SPRTN: variants seen among roughly 807,000 people sequenced by gnomAD.
The protein encoded by SPRTN is SprT-like N-terminal domain.
Under a neutral mutation model 31.9 loss-of-function variants are expected in SPRTN, and 11 were observed. The observed-to-expected ratio is 0.34, with a 90% CI of 0.22 to 0.57. The LOEUF is 0.57. Ranked by LOEUF, SPRTN falls within the 20% of genes least tolerant of loss-of-function variation. SPRTN has a pLI of 0.86. For synonymous variants in SPRTN, 185 were observed against 212.1 expected (o/e 0.87, Z 1.11); for missense variants, 482 against 590.1 (o/e 0.82, Z 1.90).
At position 231,353,412 on chromosome 1, in the gene SPRTN, A is replaced by G. The variant is rs745867595; in HGVS notation, c.*51A>G. The G allele has an allele frequency of 9.9e-6, 15 of 1,511,540 alleles. No individual in the cohort carries two copies. The highest frequency in any genetic ancestry group is 4.6e-5 in the Admixed American group (2 of 43,072). 93.6% of individuals were successfully genotyped at this position (1,511,540 alleles called of 1,614,324 possible). ...ACCTGTATTATCTCACTAATGTGCT[A>G]TGTCAGCCAGTCAGGAAGTTCTGGT... On this transcript the variant is annotated 3_prime_UTR_variant, in exon 5 of 5. Coordinates refer to ENST00000295050, the MANE Select transcript of SPRTN (RefSeq NM_032018.7).
intron 2 of SPRTN, among the ~76,000 whole-genome samples, chr1:231,342,566 G>T (rs188720289): frequency 2.6e-5 from 4 of 151,704 alleles, no homozygotes; most frequent in African/African-American, 9.7e-5. Flanking sequence ...AAGTAGCTGC[G>T]ATTAAAGGTG....
At chr1:231,340,466 T>C (rs563262178) in intron 2 of SPRTN, among the ~76,000 whole-genome samples, 1 of 152,310 alleles carries the variant, frequency 6.6e-6, no homozygotes, top group South Asian at 2.1e-4. Flanking sequence ...AGTAAAGAAA[T>C]TAAGGTTCAG....
Position 231,351,554 on chromosome 1 carries a change from T to C in SPRTN, c.701T>C (p.Leu234Ser). The change falls in exon 4 of 5, where the codon TTG (leucine) becomes TCG (serine). Residue 234 changes from leucine (L) to serine (S), a missense_variant. Coordinates refer to ENST00000295050, the MANE Select transcript of SPRTN (RefSeq NM_032018.7). ...GKAKLGKEPV[L>S]AAENKDKPNR... Reference sequence around the variant, plus strand: ...GCAAAACTAGGAAAGGAACCAGTATTGGCCGCAGAGAATAAAGGTACCTTC... The same window carrying C: ...GCAAAACTAGGAAAGGAACCAGTATCGGCCGCAGAGAATAAAGGTACCTTC... 1 of 1,614,040 alleles carries C rather than the reference T, an allele frequency of 6.2e-7. No homozygotes were observed. Among genetic ancestry groups the C allele is most frequent in the Non-Finnish European group, 8.5e-7 (1 of 1,180,004 alleles).
chr1:231,351,162 T>C (rs2749716), intron 3 of SPRTN, 142 bp from the exon 4 acceptor site: 701,453 of 1,125,796 alleles, frequency 0.62, 221,282 homozygotes, highest in Middle Eastern at 0.66. Flanking sequence ...CTTTCTCTCC[T>C]AAAATAGAAC....
At chr1:231,344,068 TG>T (rs1686978870) in intron 2 of SPRTN, among the ~76,000 whole-genome samples, 1 of 152,222 alleles carries the variant, frequency 6.6e-6, no homozygotes, top group African/African-American at 2.4e-5. Flanking sequence ...ATTTTCAAGA[TG>T]TTTTTTAATG....
intron 3 of SPRTN, 74 bp downstream of exon 3, chr1:231,347,999 A>G: frequency 6.5e-7 from 1 of 1,549,542 alleles, no homozygotes. Flanking sequence ...AATTAAAAGT[A>G]GAGAACTAGG....
At chr1:231,338,667 C>A in intron 1 of SPRTN, 63 bp downstream of exon 1, 1 of 1,592,122 alleles carries the variant, frequency 6.3e-7, no homozygotes. Context: ...GCCCCCGGCC[C>A]TGGTTTTCTC....
At chr1:231,344,491 AGT>A (rs1686992008) in intron 2 of SPRTN, 2 of 174,010 alleles carry the variant, frequency 1.1e-5, no homozygotes, top group Non-Finnish European at 2.8e-5. Flanking sequence ...TGGGTGAAAA[AGT>A]GAGACCCCAT....
chr1:231,350,186 T>A (rs1192511592), intron 3 of SPRTN, among the ~76,000 whole-genome samples: 2 of 152,238 alleles, frequency 1.3e-5, no homozygotes, highest in African/African-American at 4.8e-5. Flanking sequence ...CAAGTAGAAA[T>A]TTTTTGCTTA....
At chr1:231,341,135 G>A (rs768837204) in intron 2 of SPRTN, among the ~76,000 whole-genome samples, 3 of 151,736 alleles carry the variant, frequency 2.0e-5, no homozygotes, top group Non-Finnish European at 4.4e-5. Flanking sequence ...TCAGTTAAAT[G>A]TAAGTGGACT....
chr1:231,345,507 G>C (rs1428411860), intron 2 of SPRTN, among the ~76,000 whole-genome samples: 7 of 152,128 alleles, frequency 4.6e-5, no homozygotes, highest in Admixed American at 4.6e-4. Flanking sequence ...TTTTGTGGCT[G>C]CATAGAATTC....
intron 2 of SPRTN, among the ~76,000 whole-genome samples, chr1:231,346,756 A>G (rs1392311725): frequency 2.0e-5 from 3 of 152,156 alleles, no homozygotes; most frequent in Admixed American, 6.5e-5. Flanking sequence ...CATCCTTGCC[A>G]ATATGGCCAA....
At position 231,353,427 on chromosome 1, in the gene SPRTN, G is replaced by A. The variant is rs1443601590; in HGVS notation, c.*66G>A. 3.3e-6 allele frequency: 5 copies of A among 1,500,100 alleles called. No individual in the cohort carries two copies. In the African/African-American group the frequency reaches 7.0e-5, roughly 21 times the overall value. 92.9% of individuals were successfully genotyped at this position (1,500,100 alleles called of 1,614,324 possible). On this transcript the variant is annotated 3_prime_UTR_variant, in exon 5 of 5. Transcript: ENST00000295050. ...CTAATGTGCTATGTCAGCCAGTCAG[G>A]AAGTTCTGGTTAATACTAAGATTTG...
intron 2 of SPRTN, among the ~76,000 whole-genome samples, chr1:231,343,363 G>A (rs866074461): frequency 6.6e-6 from 1 of 151,704 alleles, no homozygotes; most frequent in South Asian, 2.1e-4. Flanking sequence ...ATACCATTTA[G>A]GTTTGTGTAA....
chr1:231,345,948 G>A (rs952690540), intron 2 of SPRTN, among the ~76,000 whole-genome samples: 2 of 151,964 alleles, frequency 1.3e-5, no homozygotes, highest in Non-Finnish European at 2.9e-5. Context: ...GAGTAGCTAG[G>A]ACTACAGATG....
chr1:231,338,629 AAG>A, intron 1 of SPRTN, 25 bp downstream of exon 1: 1 of 1,612,742 alleles, frequency 6.2e-7, no homozygotes, highest in Non-Finnish European at 8.5e-7. Flanking sequence ...CCGCTGGGGA[AAG>A]AGGCGGGACT....
chr1:231,353,976 T>C lies in SPRTN; in HGVS notation c.*615T>C. On this transcript the variant is annotated 3_prime_UTR_variant, in exon 5 of 5. Transcript: ENST00000295050. ...AGATTTTAAGTTAAAGAATATGGAATATAGTAAAATAAGTAAATTTCTTTT... is the reference window on the plus strand; with the variant it reads ...AGATTTTAAGTTAAAGAATATGGAACATAGTAAAATAAGTAAATTTCTTTT... 1.1e-6 allele frequency: 1 copy of C among 927,484 alleles called. No individual in the cohort carries two copies. Among genetic ancestry groups the C allele is most frequent in the Non-Finnish European group, 1.3e-6 (1 of 777,114 alleles). The allele number at this position is 927,484 out of a possible 1,614,324, so 57.5% of individuals were successfully genotyped here.
At chr1:231,349,405 C>T (rs1286860913) in intron 3 of SPRTN, among the ~76,000 whole-genome samples, 3 of 152,104 alleles carry the variant, frequency 2.0e-5, no homozygotes, top group Admixed American at 2.0e-4. Flanking sequence ...ACATAAAATC[C>T]GGGTTAGCAA....
intron 2 of SPRTN, among the ~76,000 whole-genome samples, chr1:231,342,884 G>A (rs1459254860): frequency 2.6e-5 from 4 of 151,798 alleles, no homozygotes; most frequent in Admixed American, 6.6e-5. Flanking sequence ...ACAGGCACCC[G>A]CCACCATGCC....
Sources: allele counts gnomAD v4.1 joint callset (sites outside exome capture counted in the v4.1 genomes callset), GRCh38; gene constraint gnomAD v4.1.1; transcripts MANE v1.5; gene names NCBI Gene and HGNC (gene_info 2026-07-23, HGNC 2026-07-21).